C1QTNF9: variants seen among roughly 807,000 people sequenced by gnomAD.
C1QTNF9 encodes C1q and TNF related 9, also known as complement C1q and tumor necrosis factor-related protein 9A.
Under a neutral mutation model 10.1 loss-of-function variants are expected in C1QTNF9, and 6 were observed. The observed-to-expected ratio is 0.59, with a 90% CI of 0.32 to 1.17. The LOEUF (loss-of-function observed/expected upper bound fraction) is 1.17. Ranked by LOEUF, C1QTNF9 falls within the 50% of genes most tolerant of loss-of-function variation. The pLI is 0.04. For synonymous variants in C1QTNF9, 98 were observed against 163.5 expected (o/e 0.60, Z 3.06); for missense variants, 201 against 418.8 (o/e 0.48, Z 4.54).
intron 1 of C1QTNF9, among the ~76,000 whole-genome samples, chr13:24,313,303 T>C (rs979940712): frequency 3.3e-5 from 5 of 152,236 alleles, no homozygotes; most frequent in African/African-American, 1.2e-4. Flanking sequence ...AACCATTTGC[T>C]TCCAGGCTGG....
intron 1 of C1QTNF9, among the ~76,000 whole-genome samples, chr13:24,310,161 G>A (rs1877756697): frequency 6.6e-6 from 1 of 150,740 alleles, no homozygotes. Context: ...CAAAGTGCTG[G>A]GATTTTTTTT....
chr13:24,309,283 T>TTATATATATA (rs72150411), upstream of C1QTNF9, among the ~76,000 whole-genome samples: 243 of 68,270 alleles, frequency 3.6e-3, 31 homozygotes, highest in African/African-American at 6.7e-3. Flanking sequence ...ACTTAAAGTA[T>TTATATATATA]TATATATATA....
At chr13:24,316,683 A>G (rs1878052584) in intron 2 of C1QTNF9, among the ~76,000 whole-genome samples, 1 of 152,194 alleles carries the variant, frequency 6.6e-6, no homozygotes, top group African/African-American at 2.4e-5. Flanking sequence ...CTGAAACCAT[A>G]CAGCTGCTGC....
At chr13:24,308,865 A>T (rs1369127599), upstream of C1QTNF9, among the ~76,000 whole-genome samples, 1 of 152,142 alleles carries the variant, frequency 6.6e-6, no homozygotes, top group East Asian at 1.9e-4. Flanking sequence ...GATAAATGTT[A>T]CTACTAGACA....
At chr13:24,318,943 T>G in intron 3 of C1QTNF9, 63 bp downstream of exon 3, 2 of 1,590,140 alleles carry the variant, frequency 1.3e-6, no homozygotes, top group Non-Finnish European at 1.7e-6. Context: ...AATATTACCA[T>G]GGACAAGTCC....
intron 1 of C1QTNF9, among the ~76,000 whole-genome samples, chr13:24,312,330 A>G (rs1877859047): frequency 6.6e-6 from 1 of 151,892 alleles, no homozygotes; most frequent in African/African-American, 2.4e-5. Flanking sequence ...TGTGGTGTAC[A>G]GAGTAAGTGG....
intron 1 of C1QTNF9, among the ~76,000 whole-genome samples, chr13:24,313,451 TTTGG>T: frequency 6.6e-6 from 1 of 152,282 alleles, no homozygotes; most frequent in African/African-American, 2.4e-5. Context: ...CTCAACAAAG[TTTGG>T]TTGATGGAAT....
At position 24,315,818 on chromosome 13, in the gene C1QTNF9, A is replaced by AT. The variant is rs1440973023; in HGVS notation, c.-22-163dup. On this transcript the variant is annotated intron_variant, in intron 1 of 3. Coordinates refer to ENST00000332018, the Ensembl canonical transcript of C1QTNF9. ...TTCCAAGGACAGTGTCATTCTGGTT[A>AT]TAATCAGCTTGCTCCCCTGCCCTGA... The AT allele has an allele frequency of 8.9e-6, 6 of 675,044 alleles. No homozygotes were observed. In the Admixed American group the frequency reaches 1.5e-4, roughly 16 times the overall value. The allele number at this position is 675,044 out of a possible 1,614,324, so 41.8% of individuals were successfully genotyped here. A position where few individuals can be genotyped will look rare whatever the true frequency, so the allele number is the denominator to read the frequency against.
At chr13:24,313,850 C>T (rs1433425624) in intron 1 of C1QTNF9, among the ~76,000 whole-genome samples, 3 of 152,178 alleles carry the variant, frequency 2.0e-5, no homozygotes, top group African/African-American at 7.2e-5. Context: ...TTCATACAGT[C>T]GTAAGTACAT....
chr13:24,313,336 A>G (rs1056437949), intron 1 of C1QTNF9, among the ~76,000 whole-genome samples: 11 of 152,206 alleles, frequency 7.2e-5, no homozygotes, highest in African/African-American at 1.4e-4. Context: ...TGGAGAGCAA[A>G]TTGGAGTTTA....
At chr13:24,313,090 G>A (rs1440402948) in intron 1 of C1QTNF9, among the ~76,000 whole-genome samples, 3 of 152,068 alleles carry the variant, frequency 2.0e-5, no homozygotes, top group Admixed American at 6.5e-5. Flanking sequence ...CAACATTCAT[G>A]AGACTGTATC....
intron 1 of C1QTNF9, among the ~76,000 whole-genome samples, chr13:24,312,689 A>T (rs138808463): frequency 3.9e-5 from 6 of 151,964 alleles, no homozygotes; most frequent in African/African-American, 1.4e-4. Flanking sequence ...GTGTGCAGTG[A>T]CTCACACCTG....
upstream of C1QTNF9, chr13:24,307,167 G>C (rs1309103381): frequency 6.6e-6 from 1 of 152,208 alleles, no homozygotes; most frequent in Non-Finnish European, 1.5e-5. Flanking sequence ...CTGCTGCCCT[G>C]ATGTCCCTAG....
chr13:24,320,266 G>T (rs932008074), intron 3 of C1QTNF9, among the ~76,000 whole-genome samples: 3 of 152,184 alleles, frequency 2.0e-5, no homozygotes, highest in African/African-American at 7.2e-5. Flanking sequence ...TTAGATGGTA[G>T]GGTTGTAATT....
upstream of C1QTNF9, among the ~76,000 whole-genome samples, chr13:24,308,934 T>C (rs1347498906): frequency 3.9e-5 from 6 of 152,200 alleles, no homozygotes; most frequent in Non-Finnish European, 7.4e-5. Flanking sequence ...GCGTTCTCCG[T>C]GGTAGGTGGA....
At chr13:24,318,157 C>A (rs1465734241) in intron 2 of C1QTNF9, among the ~76,000 whole-genome samples, 2 of 152,146 alleles carry the variant, frequency 1.3e-5, no homozygotes, top group Admixed American at 6.5e-5. Context: ...CCAGAGCCAC[C>A]TTCAACCTGC....
chr13:24,311,997 T>G (rs1250263946), intron 1 of C1QTNF9, among the ~76,000 whole-genome samples: 3 of 152,190 alleles, frequency 2.0e-5, no homozygotes, highest in African/African-American at 7.2e-5. Context: ...ATACCCAGGC[T>G]GCAAGGGAGG....
At chr13:24,318,739 C>T in intron 2 of C1QTNF9, 79 bp from the exon 3 acceptor site, 3 of 1,597,334 alleles carry the variant, frequency 1.9e-6, no homozygotes, top group Non-Finnish European at 2.6e-6. Context: ...CTCCAACACA[C>T]ATGGCTGATG....
chr13:24,315,590 AC>A, intron 1 of C1QTNF9: 2 of 243,804 alleles, frequency 8.2e-6, no homozygotes. Flanking sequence ...TGTTTGCTTC[AC>A]TACTTGGAAT....
Sources: allele counts gnomAD v4.1 joint callset (sites outside exome capture counted in the v4.1 genomes callset), GRCh38; gene constraint gnomAD v4.1.1; transcripts MANE v1.5; gene names NCBI Gene and HGNC (gene_info 2026-07-23, HGNC 2026-07-21).